Variants in PTGR1 observed in about 807,000 individuals in gnomAD.
PTGR1 encodes the protein 15-oxoprostaglandin 13-reductase.
In PTGR1, 23 loss-of-function variants were observed where a neutral mutation model predicts 37.7. That is an observed-to-expected ratio of 0.61 (90% confidence interval 0.44 to 0.86). PTGR1 has a LOEUF of 0.86. Ranked by LOEUF, PTGR1 falls within the 40% of genes least tolerant of loss-of-function variation. PTGR1 has a pLI of 0.00. For missense variants in PTGR1, 351 were observed against 394.3 expected (o/e 0.89, Z 0.93); for synonymous variants, 134 against 140.0 (o/e 0.96, Z 0.30).
At chr9:111,568,798 T>C (rs1828686428) in intron 9 of PTGR1, among the ~76,000 whole-genome samples, 1 of 152,202 alleles carries the variant, frequency 6.6e-6, no homozygotes, top group African/African-American at 2.4e-5. Flanking sequence ...AAAGAACCTA[T>C]GTTGAAATAT....
intron 9 of PTGR1, among the ~76,000 whole-genome samples, chr9:111,568,861 G>A (rs751482105): frequency 1.3e-5 from 2 of 152,206 alleles, no homozygotes; most frequent in East Asian, 1.9e-4. Context: ...AAGGCATGGT[G>A]CCTGGACCAG....
Position 111,550,928 on chromosome 9 carries a change from GTC to G in PTGR1, c.880-1131_880-1130del, listed in dbSNP as rs1827922920. Among the ~76,000 whole-genome samples the G allele has an allele frequency of 2.6e-5, 4 of 152,000 alleles. No homozygotes were observed. The South Asian group carries it at 8.3e-4, about 32-fold the overall frequency. The stretch of plus-strand genomic sequence containing the variant: ...TTTGAGTTGTTTTCACCTGTTTTCT[GTC>G]TCTCACACTGGAGGCTTTCCTGAAG... On this transcript the variant is annotated intron_variant, in intron 9 of 9. Transcript: ENST00000538962.
intron 7 of PTGR1, chr9:111,577,838 C>T (rs1829126234): frequency 1.3e-5 from 2 of 152,036 alleles, no homozygotes; most frequent in African/African-American, 4.8e-5. Flanking sequence ...GAGTGAGATC[C>T]TGTCTCAAAA....
downstream of PTGR1, among the ~76,000 whole-genome samples, chr9:111,559,664 TCTGGGCTTTGACTCC>T: frequency 6.6e-6 from 1 of 150,470 alleles, no homozygotes; most frequent in South Asian, 2.1e-4. Flanking sequence ...CACACACAGC[TCTGGGCTTTGACTCC>T]CTGTGCCAGG....
At chr9:111,561,127 A>AGAGAG, downstream of PTGR1, among the ~76,000 whole-genome samples, 1 of 61,626 alleles carries the variant, frequency 1.6e-5, no homozygotes, top group Non-Finnish European at 3.0e-5. Context: ...AGAGAGAGAG[A>AGAGAG]GAGAGAGAGA....
chr9:111,588,723 A>G (rs1379055959), intron 4 of PTGR1, among the ~76,000 whole-genome samples: 4 of 150,842 alleles, frequency 2.7e-5, no homozygotes, highest in East Asian at 2.0e-4. Context: ...ACGAGGTTTC[A>G]CCATGTTGCC....
In PTGR1 at chr9:111,562,981, A is replaced by T. The variant is rs1487056184; in HGVS notation, c.*140T>A. On this transcript the variant is annotated 3_prime_UTR_variant, in exon 10 of 10. Coordinates refer to ENST00000407693, the MANE Select transcript of PTGR1 (RefSeq NM_001146108.2). ...TCCATCACTAATTACATACCACTTA[A>T]ATGTATTTTATTAAGTAGCTCAAAC... The T allele has an allele frequency of 2.1e-6, 3 of 1,422,726 alleles. No homozygotes were observed. The East Asian group carries it at 7.5e-5, about 36-fold the overall frequency. 88.1% of individuals were successfully genotyped at this position (1,422,726 alleles called of 1,614,324 possible). A position where few individuals can be genotyped will look rare whatever the true frequency, so the allele number is the denominator to read the frequency against.
chr9:111,578,899 T>C lies in PTGR1; in HGVS notation c.548A>G (p.Gln183Arg), dbSNP rs1829175005. The change falls in exon 7 of 10, where the codon CAA becomes CGA. Residue 183 changes from glutamine to arginine, a missense_variant. Physicochemically the swap from Gln to Arg is conservative, Grantham distance 43 (BLOSUM62 1). Coordinates refer to ENST00000407693, the MANE Select transcript of PTGR1 (RefSeq NM_001146108.2). ...AAAGACGACATCAAATCCAAGCTTT[T>C]GAAGGTAGGCAACCTTTTCATCAGA... ...VGSDEKVAYL[Q>R]KLGFDVVFNY... is the part of the protein sequence containing the mutation. 1.2e-6 allele frequency: 2 copies of C among 1,612,656 alleles called. No homozygotes were observed. The highest frequency in any genetic ancestry group is 2.2e-5 in the East Asian group (1 of 44,852).
At chr9:111,557,340 C>T (rs190593859) in intron 9 of PTGR1, among the ~76,000 whole-genome samples, 147 of 151,578 alleles carry the variant, frequency 9.7e-4, no homozygotes, top group Non-Finnish European at 1.6e-3. Flanking sequence ...TGCCACTGCA[C>T]TCCAGTTTGG....
At chr9:111,574,362 T>G (rs1828963570) in intron 8 of PTGR1, 1 of 154,008 alleles carries the variant, frequency 6.5e-6, no homozygotes, top group Admixed American at 6.5e-5. Flanking sequence ...TTGTTATTAT[T>G]ATTTTGAGAC....
intron 7 of PTGR1, among the ~76,000 whole-genome samples, chr9:111,578,000 T>TG (rs547836676): frequency 0.068 from 10,227 of 151,480 alleles, 536 homozygotes; most frequent in East Asian, 0.25. Context: ...TAGCGTTTTT[T>TG]GGGGGGGGTG....
chr9:111,592,591 G>A (rs1829652732), intron 4 of PTGR1: 2 of 202,412 alleles, frequency 9.9e-6, no homozygotes, highest in South Asian at 2.7e-4. Context: ...TTCTCAACCT[G>A]CCGATCCACC....
intron 1 of PTGR1, among the ~76,000 whole-genome samples, chr9:111,598,203 C>A (rs1382182687): frequency 6.6e-6 from 1 of 152,156 alleles, no homozygotes; most frequent in Non-Finnish European, 1.5e-5. Context: ...TGAGCTGAAA[C>A]GCTGCACCAA....
intron 4 of PTGR1, among the ~76,000 whole-genome samples, chr9:111,591,696 A>G (rs1829627201): frequency 6.6e-6 from 1 of 152,180 alleles, no homozygotes; most frequent in Non-Finnish European, 1.5e-5. Flanking sequence ...ATATATTAAC[A>G]ATAGTTGTCT....
chr9:111,551,126 TG>T lies in PTGR1; in HGVS notation c.880-1328del, dbSNP rs1340843096. ...AAAATAAAACAGGTAAAATTAAAAA[TG>T]TATTTTACTTCACCCAATATATCCA... On this transcript the variant is annotated intron_variant, in intron 9 of 9. Coordinates refer to the PTGR1 transcript ENST00000538962. 3.9e-5 allele frequency among the ~76,000 whole-genome samples: 6 copies of T among 152,332 alleles called. 1 individual carries two copies. Among genetic ancestry groups the T allele is most frequent in the Admixed American group, 2.6e-4 (4 of 15,306 alleles).
At chr9:111,597,245 G>C in intron 2 of PTGR1, 72 bp downstream of exon 2, 1 of 1,155,238 alleles carries the variant, frequency 8.7e-7, no homozygotes, top group Non-Finnish European at 1.3e-6. Flanking sequence ...AAACTTTGGG[G>C]TAGTTTGTTA....
chr9:111,575,793 C>A (rs1471623166), intron 7 of PTGR1, among the ~76,000 whole-genome samples: 1 of 152,146 alleles, frequency 6.6e-6, no homozygotes, highest in Non-Finnish European at 1.5e-5. Context: ...CTATAAAACT[C>A]TTAGAAGAAA....
rs58142522 is a variant in PTGR1, at chr9:111,592,986, C to CAAAAAA, written c.153-10_153-5dup. On this transcript the variant is annotated splice_polypyrimidine_tract_variant and splice_region_variant and intron_variant, in intron 3 of 9. Coordinates refer to ENST00000407693, the MANE Select transcript of PTGR1 (RefSeq NM_001146108.2). ...CTTCAATCTTTTGGCTGCCACTCTG[C>CAAAAAA]AAAAAAAAAAAAAAAAAAAAAAAAA... 1.3e-4 allele frequency: 122 copies of CAAAAAA among 961,304 alleles called. 1 individual carries two copies. The highest frequency in any genetic ancestry group is 3.3e-4 in the African/African-American group (10 of 29,994). 59.5% of individuals were successfully genotyped at this position (961,304 alleles called of 1,614,324 possible).
chr9:111,563,324 A>C, intron 9 of PTGR1, 93 bp from the exon 10 acceptor site: 1 of 1,253,540 alleles, frequency 8.0e-7, no homozygotes, highest in Non-Finnish European at 1.1e-6. Flanking sequence ...CAGGTACATC[A>C]TTGGAAACCT....
Sources: gnomAD v4.1 joint callset for allele counts (sites outside exome capture counted in the v4.1 genomes callset) on GRCh38, gnomAD v4.1.1 for gene constraint, MANE v1.5 for transcripts, NCBI Gene and HGNC (gene_info 2026-07-23, HGNC 2026-07-21) for gene names.